The following MAPK10 variants were observed in gnomAD, a reference collection of about 807,000 sequenced individuals.
The protein encoded by MAPK10 is mitogen-activated protein kinase 10, also known as JNK3 alpha protein kinase.
A neutral mutation model predicts 59.3 loss-of-function variants in MAPK10; 25 were observed. That is an observed-to-expected ratio of 0.42 (90% CI 0.31 to 0.59). MAPK10 has a LOEUF of 0.59. Among genes scored for constraint, MAPK10 ranks in the 20% least tolerant of loss-of-function variants. The pLI, the probability that MAPK10 is intolerant of heterozygous loss-of-function variation, is 0.15. For missense variants in MAPK10, 351 were observed against 568.9 expected (o/e 0.62, Z 3.90); for synonymous variants, 190 against 200.5 (o/e 0.95, Z 0.44).
chr4:86,311,853 A>G (rs894204043), intron 2 of MAPK10, among the ~76,000 whole-genome samples: 13 of 152,164 alleles, frequency 8.5e-5, no homozygotes, highest in Non-Finnish European at 2.9e-5. Flanking sequence ...ACAAATAGAA[A>G]GATCAATCCC....
intron 1 of MAPK10, among the ~76,000 whole-genome samples, chr4:86,512,027 A>G (rs906238538): frequency 2.6e-5 from 4 of 152,206 alleles, no homozygotes; most frequent in Non-Finnish European, 5.9e-5. Context: ...ATCAAGATCA[A>G]GCAGAACAAA....
intron 1 of MAPK10, among the ~76,000 whole-genome samples, chr4:86,387,596 G>A (rs142993630): frequency 1.3e-5 from 2 of 152,234 alleles, no homozygotes; most frequent in Non-Finnish European, 2.9e-5. Flanking sequence ...CTGCCTCACC[G>A]CACCTCTATT....
intron 2 of MAPK10, among the ~76,000 whole-genome samples, chr4:86,325,214 G>A (rs1416573591): frequency 2.0e-5 from 3 of 152,174 alleles, no homozygotes; most frequent in Non-Finnish European, 4.4e-5. Flanking sequence ...GATCACAGAG[G>A]AAGAAATGAG....
At chr4:86,303,080 T>C (rs2095499322) in intron 2 of MAPK10, among the ~76,000 whole-genome samples, 1 of 152,148 alleles carries the variant, frequency 6.6e-6, no homozygotes, top group African/African-American at 2.4e-5. Context: ...GCACAAAGTA[T>C]GACAGAAGAA....
intron 2 of MAPK10, among the ~76,000 whole-genome samples, chr4:86,294,839 C>A (rs183466694): frequency 2.0e-5 from 3 of 152,116 alleles, no homozygotes; most frequent in Non-Finnish European, 4.4e-5. Flanking sequence ...GAAACCTCTT[C>A]GAGGCTTTGG....
chr4:86,132,306 G>T (rs764224764), intron 4 of MAPK10, among the ~76,000 whole-genome samples: 1 of 152,076 alleles, frequency 6.6e-6, no homozygotes, highest in Admixed American at 6.6e-5. Flanking sequence ...ATGATTTTAT[G>T]TTGCCCTTTA....
At chr4:86,507,653 T>TATATACAC (rs1554274993) in intron 1 of MAPK10, among the ~76,000 whole-genome samples, 3 of 88,922 alleles carry the variant, frequency 3.4e-5, no homozygotes, top group Non-Finnish European at 7.2e-5. Flanking sequence ...TATATATATA[T>TATATACAC]ATATATATAT....
At chr4:86,471,272 C>T (rs1168136574) in intron 1 of MAPK10, among the ~76,000 whole-genome samples, 1 of 117,700 alleles carries the variant, frequency 8.5e-6, no homozygotes, top group African/African-American at 3.6e-5. Context: ...CTGTGCCCCC[C>T]TGCAAAAAAA....
At chr4:86,022,426 A>AT (rs1747680784) in intron 13 of MAPK10, among the ~76,000 whole-genome samples, 1 of 152,108 alleles carries the variant, frequency 6.6e-6, no homozygotes, top group African/African-American at 2.4e-5. Flanking sequence ...TCCTTTGGCC[A>AT]TTTTTTAATT....
chr4:86,074,364 C>G (rs2048747391), intron 9 of MAPK10, among the ~76,000 whole-genome samples: 1 of 150,386 alleles, frequency 6.6e-6, no homozygotes, highest in Non-Finnish European at 1.5e-5. Context: ...CAGTCTGTGT[C>G]TTTTAATTGG....
At chr4:86,135,541 C>A (rs1385516360) in intron 4 of MAPK10, among the ~76,000 whole-genome samples, 1 of 152,156 alleles carries the variant, frequency 6.6e-6, no homozygotes. Flanking sequence ...ATCTGTACAT[C>A]ACCATCATCA....
In MAPK10 at chr4:86,566,972, G is replaced by T. The variant is rs146847138; in HGVS notation, c.-263+26938C>A. Among the ~76,000 whole-genome samples, 127 of 152,264 alleles carry T rather than the reference G, an allele frequency of 8.3e-4. 1 individual carries two copies. The highest frequency in any genetic ancestry group is 2.9e-3 in the African/African-American group (120 of 41,556). On this transcript the variant is annotated intron_variant, in intron 1 of 4. Coordinates refer to the MAPK10 transcript ENST00000502302. ...AGTAGTCTTAGCTACCCAGGCAGCTGAGGTGGGAGGATCACCTTAGCCTGG... is the reference window on the plus strand; with the variant it reads ...AGTAGTCTTAGCTACCCAGGCAGCTTAGGTGGGAGGATCACCTTAGCCTGG...
chr4:86,095,962 T>C (rs2149060796), intron 9 of MAPK10, among the ~76,000 whole-genome samples: 1 of 151,952 alleles, frequency 6.6e-6, no homozygotes, highest in African/African-American at 2.4e-5. Flanking sequence ...CATTTTTTGG[T>C]AAAATTTAAC....
intron 1 of MAPK10, among the ~76,000 whole-genome samples, chr4:86,510,300 G>A (rs150960881): frequency 6.6e-6 from 1 of 151,718 alleles, no homozygotes; most frequent in Non-Finnish European, 1.5e-5. Context: ...TTTTGTAGAG[G>A]CAGAGTTTTA....
intron 1 of MAPK10, among the ~76,000 whole-genome samples, chr4:86,446,870 T>A (rs1750113181): frequency 6.6e-6 from 1 of 152,206 alleles, no homozygotes; most frequent in South Asian, 2.1e-4. Flanking sequence ...CCTGTTCATA[T>A]CTTTATTTTT....
At chr4:86,187,908 T>A (rs1304596991) in intron 3 of MAPK10, among the ~76,000 whole-genome samples, 1 of 151,656 alleles carries the variant, frequency 6.6e-6, no homozygotes, top group African/African-American at 2.4e-5. Flanking sequence ...CCTAATTCTA[T>A]CCCTCTCGAC....
At chr4:86,386,098 T>C (rs1027259128) in intron 1 of MAPK10, among the ~76,000 whole-genome samples, 2 of 152,216 alleles carry the variant, frequency 1.3e-5, no homozygotes, top group Non-Finnish European at 2.9e-5. Flanking sequence ...GTGTTTAAAA[T>C]GTGCCTTCTC....
chr4:86,475,203 G>T (rs1212660716), intron 1 of MAPK10, among the ~76,000 whole-genome samples: 3 of 152,162 alleles, frequency 2.0e-5, no homozygotes, highest in African/African-American at 7.2e-5. Context: ...GTTTGGTGGG[G>T]TCTCTTCACA....
intron 4 of MAPK10, among the ~76,000 whole-genome samples, chr4:86,134,439 G>C (rs529829228): frequency 6.6e-6 from 1 of 152,184 alleles, no homozygotes; most frequent in African/African-American, 2.4e-5. Context: ...TTAATAATCA[G>C]ATTTTGCAAA....
Sources: allele counts gnomAD v4.1 joint callset (sites outside exome capture counted in the v4.1 genomes callset), GRCh38; gene constraint gnomAD v4.1.1; transcripts MANE v1.5; gene names NCBI Gene and HGNC (gene_info 2026-07-23, HGNC 2026-07-21).